The following MAMDC2 variants were observed in gnomAD, a reference collection of about 807,000 sequenced individuals.
MAMDC2 encodes the protein MAM domain-containing protein 2.
A neutral mutation model predicts 89.8 loss-of-function variants in MAMDC2; 57 were observed. The ratio of observed to expected loss-of-function variants is 0.63; its 90% CI spans 0.51 to 0.79. The LOEUF is 0.79. MAMDC2 is among the 30% of genes least tolerant of loss of function. The probability of loss-of-function intolerance (pLI) is 0.00; values close to 1 mark genes in which losing one functional copy is unlikely to be tolerated. For synonymous variants in MAMDC2, 313 were observed against 293.4 expected (o/e 1.07, Z -0.68); for missense variants, 800 against 820.6 (o/e 0.97, Z 0.31).
intron 9 of MAMDC2, among the ~76,000 whole-genome samples, chr9:70,160,142 G>C (rs980686882): frequency 2.0e-5 from 3 of 152,072 alleles, no homozygotes; most frequent in African/African-American, 7.2e-5. Context: ...AATCCAGGAG[G>C]GAGAGGTTGC....
At chr9:70,214,701 T>C (rs1306365514) in intron 11 of MAMDC2, among the ~76,000 whole-genome samples, 5 of 152,142 alleles carry the variant, frequency 3.3e-5, no homozygotes, top group African/African-American at 9.7e-5. Flanking sequence ...TGATAGCAGC[T>C]TGGACCAGGG....
At position 70,225,949 on chromosome 9, in the gene MAMDC2, T is replaced by C. The variant is rs368778288; in HGVS notation, c.1997-19T>C. ...CTATAATAAAAATACTGTTATTGTA[T>C]ATTTGTCTTTCCTGACAGAAATGGA... On this transcript the variant is annotated intron_variant, in intron 13 of 13. Coordinates refer to ENST00000377182, the MANE Select transcript of MAMDC2 (RefSeq NM_153267.5). 6.5e-6 allele frequency: 10 copies of C among 1,535,104 alleles called. No homozygotes were observed. Among genetic ancestry groups the C allele is most frequent in the African/African-American group, 1.4e-5 (1 of 72,664 alleles).
rs938668440 is a variant in MAMDC2 at position 70,166,133 on chromosome 9, C to T, written c.1405-2569C>T. Among the ~76,000 whole-genome samples the T allele has an allele frequency of 7.3e-5, 11 of 151,688 alleles. No individual in the cohort carries two copies. In the East Asian group the frequency reaches 7.8e-4, roughly 11 times the overall value. On this transcript the variant is annotated intron_variant, in intron 9 of 13. Transcript: ENST00000377182. Reference sequence around the variant, plus strand: ...GCACATGCCTGTAATCCCAGTTACTCGGGAGGCTGAGGCAGGAGAATTGCT... The same window carrying T: ...GCACATGCCTGTAATCCCAGTTACTTGGGAGGCTGAGGCAGGAGAATTGCT...
chr9:70,220,469 G>T (rs1033037583), intron 12 of MAMDC2, among the ~76,000 whole-genome samples: 1 of 152,142 alleles, frequency 6.6e-6, no homozygotes, highest in Non-Finnish European at 1.5e-5. Context: ...TCCAAATGAT[G>T]CCAGGGAGAC....
At chr9:70,086,788 C>A (rs1461957700) in intron 2 of MAMDC2, 1 of 152,108 alleles carries the variant, frequency 6.6e-6, no homozygotes, top group Non-Finnish European at 1.5e-5. Context: ...CCAGCTGAGC[C>A]TTGATTCAAT....
chr9:70,163,624 G>A lies in MAMDC2; in HGVS notation c.1405-5078G>A, dbSNP rs145536130. Among the ~76,000 whole-genome samples the A allele has an allele frequency of 4.0e-3, 609 of 152,132 alleles. 7 individuals are homozygous for A. Among genetic ancestry groups the A allele is most frequent in the African/African-American group, 0.014 (576 of 41,520 alleles). ...TTAGAACAGTCTTGTTCTGAGTGGA[G>A]AGAATAAATAGGTTGAAATCGACTG... On this transcript the variant is annotated intron_variant, in intron 9 of 13. Transcript: ENST00000377182.
At chr9:70,170,163 A>C (rs997611538) in intron 10 of MAMDC2, 1 of 286,322 alleles carries the variant, frequency 3.5e-6, no homozygotes. Flanking sequence ...CATAAAGGCA[A>C]TATACCTATA....
At chr9:70,087,760 A>G (rs975838311) in intron 2 of MAMDC2, 19 of 152,302 alleles carry the variant, frequency 1.2e-4, no homozygotes, top group African/African-American at 4.3e-4. Context: ...GATACTAAGA[A>G]GGCACAGACA....
chr9:70,083,539 A>G (rs1217309893), intron 2 of MAMDC2: 2 of 152,120 alleles, frequency 1.3e-5, no homozygotes, highest in Non-Finnish European at 2.9e-5. Context: ...TTCTGTATAA[A>G]AGCAATAAGT....
intron 11 of MAMDC2, among the ~76,000 whole-genome samples, chr9:70,177,432 C>T (rs1319895269): frequency 2.6e-5 from 4 of 152,102 alleles, no homozygotes; most frequent in Non-Finnish European, 5.9e-5. Flanking sequence ...TAGTTTAAAA[C>T]TTATGAATTG....
At chr9:70,085,398 A>C (rs914226751) in intron 2 of MAMDC2, among the ~76,000 whole-genome samples, 1 of 152,046 alleles carries the variant, frequency 6.6e-6, no homozygotes, top group East Asian at 1.9e-4. Flanking sequence ...TTTACTTCTT[A>C]GGGTCTTAGT....
chr9:70,048,923 A>T (rs115731070), intron 2 of MAMDC2, among the ~76,000 whole-genome samples: 1 of 152,162 alleles, frequency 6.6e-6, no homozygotes, highest in Non-Finnish European at 1.5e-5. Context: ...CCACTTGAGG[A>T]GCTGAGGCAG....
chr9:70,167,363 A>G (rs1346493914), intron 9 of MAMDC2, among the ~76,000 whole-genome samples: 1 of 152,156 alleles, frequency 6.6e-6, no homozygotes, highest in Non-Finnish European at 1.5e-5. Context: ...TTTTAAATAA[A>G]TTCTATATTC....
chr9:70,166,792 T>G (rs1464521737), intron 9 of MAMDC2, among the ~76,000 whole-genome samples: 2 of 152,204 alleles, frequency 1.3e-5, no homozygotes, highest in Non-Finnish European at 2.9e-5. Context: ...ATTTAGATGG[T>G]GAACCATTTC....
chr9:70,068,920 A>G (rs1030534758), intron 2 of MAMDC2, among the ~76,000 whole-genome samples: 1 of 152,202 alleles, frequency 6.6e-6, no homozygotes, highest in Non-Finnish European at 1.5e-5. Context: ...ATGAATGGGT[A>G]TGATTTAAAA....
rs373980561 is a variant in MAMDC2, at chr9:70,181,827, C to G, written c.1651+11196C>G. On this transcript the variant is annotated intron_variant, in intron 11 of 13. Transcript: ENST00000377182. ...AAGAGACAATTTGACTTCCTCTCTT[C>G]CTATTTGAGTACCTTTTATTTCTTT... Among the ~76,000 whole-genome samples, 20 of 152,246 alleles carry G rather than the reference C, an allele frequency of 1.3e-4. No individual in the cohort carries two copies. The South Asian group carries it at 3.9e-3, about 30-fold the overall frequency.
At chr9:70,109,184 T>C in intron 3 of MAMDC2, 1 of 152,776 alleles carries the variant, frequency 6.5e-6, no homozygotes, top group African/African-American at 2.4e-5. Context: ...TTTGAAAGGC[T>C]TGAAATGCTT....
At chr9:70,217,379 G>A (rs577354173) in intron 11 of MAMDC2, 259 of 1,335,966 alleles carry the variant, frequency 1.9e-4, no homozygotes, top group Admixed American at 5.2e-4. Context: ...CACAAAAAGG[G>A]AGAGTCGGAA....
At chr9:70,105,565 A>C (rs578086146) in intron 2 of MAMDC2, among the ~76,000 whole-genome samples, 3 of 152,286 alleles carry the variant, frequency 2.0e-5, no homozygotes, top group Admixed American at 2.0e-4. Flanking sequence ...AAAAACAAAT[A>C]TGAGATCTTT....
Sources: allele counts gnomAD v4.1 joint callset (sites outside exome capture counted in the v4.1 genomes callset), GRCh38; gene constraint gnomAD v4.1.1; transcripts MANE v1.5; gene names NCBI Gene and HGNC (gene_info 2026-07-23, HGNC 2026-07-21).